Variants in GRK4 observed in about 807,000 individuals in gnomAD.
GRK4 encodes G protein-coupled receptor kinase 4, also known as G protein-coupled receptor kinase 2-like.
A neutral mutation model predicts 77.9 loss-of-function variants in GRK4; 73 were observed. That is an observed-to-expected ratio of 0.94 (90% CI 0.78 to 1.14). The LOEUF is 1.14. Ranked by LOEUF, GRK4 falls within the 50% of genes most tolerant of loss-of-function variation. GRK4 has a pLI of 0.00. For synonymous variants in GRK4, 257 were observed against 254.4 expected (o/e 1.01, Z -0.10); for missense variants, 729 against 700.2 (o/e 1.04, Z -0.46).
At chr4:2,965,114 T>C in intron 1 of GRK4, 2 of 607,478 alleles carry the variant, frequency 3.3e-6, no homozygotes, top group African/African-American at 1.8e-5. Context: ...GTTTTGCTTC[T>C]GTAAGTTTGC....
intron 1 of GRK4, among the ~76,000 whole-genome samples, chr4:2,975,861 C>A (rs1229759767): frequency 6.6e-6 from 1 of 152,176 alleles, no homozygotes; most frequent in Non-Finnish European, 1.5e-5. Context: ...GTACTGAGCT[C>A]CTGCACTAGG....
intron 3 of GRK4, 140 bp from the exon 4 acceptor site, chr4:2,992,075 G>A (rs550092892): frequency 2.2e-4 from 102 of 468,834 alleles, no homozygotes; most frequent in African/African-American, 1.9e-3. Context: ...ATGGGATCTC[G>A]CTATGTTGCT....
At chr4:3,005,243 A>C (rs977571034) in intron 5 of GRK4, among the ~76,000 whole-genome samples, 4 of 151,962 alleles carry the variant, frequency 2.6e-5, no homozygotes, top group Non-Finnish European at 5.9e-5. Context: ...CACTCATGTC[A>C]CAGCGGAGGA....
chr4:3,016,065 C>T (rs1734405884), intron 8 of GRK4, among the ~76,000 whole-genome samples: 1 of 151,320 alleles, frequency 6.6e-6, no homozygotes, highest in Non-Finnish European at 1.5e-5. Flanking sequence ...CCCACCACCA[C>T]ACCCAGCTAA....
At chr4:3,021,500 C>T (rs564027918) in intron 9 of GRK4, among the ~76,000 whole-genome samples, 2 of 152,276 alleles carry the variant, frequency 1.3e-5, no homozygotes, top group South Asian at 4.1e-4. Flanking sequence ...TATCCCACAG[C>T]CAATATGGGA....
chr4:3,014,328 G>A (rs193220973), intron 8 of GRK4, among the ~76,000 whole-genome samples: 1,583 of 131,638 alleles, frequency 0.012, 17 homozygotes, highest in Non-Finnish European at 0.018. Flanking sequence ...ACAGGGTTTC[G>A]CTCTGTTGTC....
intron 1 of GRK4, among the ~76,000 whole-genome samples, chr4:2,973,209 C>T (rs954045882): frequency 7.9e-5 from 12 of 152,260 alleles, no homozygotes; most frequent in African/African-American, 2.4e-4. Context: ...CTTCCGTGAG[C>T]GTGTTCTGCA....
intron 10 of GRK4, among the ~76,000 whole-genome samples, chr4:3,023,908 A>G (rs1005100697): frequency 6.6e-6 from 1 of 152,244 alleles, no homozygotes; most frequent in Non-Finnish European, 1.5e-5. Flanking sequence ...GTGCTTGCTC[A>G]TAAACATAAA....
intron 12 of GRK4, among the ~76,000 whole-genome samples, chr4:3,033,585 G>C (rs901221293): frequency 1.3e-5 from 2 of 152,166 alleles, no homozygotes; most frequent in African/African-American, 4.8e-5. Context: ...TAATTTATTT[G>C]TTGTTGTTTC....
intron 10 of GRK4, among the ~76,000 whole-genome samples, chr4:3,022,861 A>G (rs747820570): frequency 3.2e-4 from 49 of 151,694 alleles, no homozygotes; most frequent in Admixed American, 7.2e-4. Flanking sequence ...TAATTTTTAA[A>G]TTTTTTTTGT....
At chr4:3,032,211 C>T (rs141539289) in intron 12 of GRK4, among the ~76,000 whole-genome samples, 18 of 152,044 alleles carry the variant, frequency 1.2e-4, no homozygotes, top group African/African-American at 9.6e-5. Context: ...GGGCCGGGTG[C>T]GGTGGCTCAT....
chr4:3,016,213 C>CA (rs1266841445), intron 8 of GRK4, among the ~76,000 whole-genome samples: 5 of 147,848 alleles, frequency 3.4e-5, no homozygotes, highest in East Asian at 2.2e-4. Context: ...CTGGCCTCTA[C>CA]AAAAAAAATT....
At chr4:2,972,206 C>T (rs1719763811) in intron 1 of GRK4, among the ~76,000 whole-genome samples, 1 of 152,186 alleles carries the variant, frequency 6.6e-6, no homozygotes, top group African/African-American at 2.4e-5. Flanking sequence ...CAGTTTTCAA[C>T]CCAGTATGCT....
At chr4:3,032,341 G>A (rs1362319390) in intron 12 of GRK4, among the ~76,000 whole-genome samples, 4 of 151,998 alleles carry the variant, frequency 2.6e-5, no homozygotes, top group South Asian at 2.1e-4. Context: ...AGCCAGGTGC[G>A]GTGGTGGGCG....
intron 15 of GRK4, among the ~76,000 whole-genome samples, chr4:3,040,168 C>T (rs1351115562): frequency 6.6e-6 from 1 of 152,094 alleles, no homozygotes; most frequent in Non-Finnish European, 1.5e-5. Flanking sequence ...TGGCCGGGCA[C>T]GCTGGCTCAC....
chr4:2,983,631 C>T (rs1041366082), intron 1 of GRK4, among the ~76,000 whole-genome samples: 11 of 152,130 alleles, frequency 7.2e-5, no homozygotes, highest in Non-Finnish European at 4.4e-5. Context: ...GCACCTTCCA[C>T]CTTTACCCTG....
chr4:3,040,688 G>A lies in GRK4; in HGVS notation c.*63G>A, dbSNP rs913043144. ...AGGAAGGAGCATGTGTTAGCGTCTC[G>A]TCCCACCTGGAATTGTAATAAATAC... On this transcript the variant is annotated 3_prime_UTR_variant, in exon 16 of 16. Transcript: ENST00000398052. 38 of 1,363,762 alleles carry A rather than the reference G, an allele frequency of 2.8e-5. No homozygotes were observed. In the Middle Eastern group the frequency reaches 7.1e-4, roughly 25 times the overall value. 84.5% of individuals were successfully genotyped at this position (1,363,762 alleles called of 1,614,324 possible). A position where few individuals can be genotyped will look rare whatever the true frequency, so the allele number is the denominator to read the frequency against.
At chr4:3,002,226 G>A (rs1054005357) in intron 4 of GRK4, among the ~76,000 whole-genome samples, 1 of 152,100 alleles carries the variant, frequency 6.6e-6, no homozygotes. Context: ...GATGTAACTG[G>A]GGGCAGATAA....
chr4:2,980,736 G>A (rs987998200), intron 1 of GRK4, among the ~76,000 whole-genome samples: 27 of 152,302 alleles, frequency 1.8e-4, no homozygotes, highest in African/African-American at 5.5e-4. Flanking sequence ...CTGAGCGGCT[G>A]TGCCACTGTC....
Sources: gnomAD v4.1 joint callset for allele counts (sites outside exome capture counted in the v4.1 genomes callset) on GRCh38, gnomAD v4.1.1 for gene constraint, MANE v1.5 for transcripts, NCBI Gene and HGNC (gene_info 2026-07-23, HGNC 2026-07-21) for gene names.